Variants in HHAT observed in about 807,000 individuals in gnomAD.
HHAT encodes hedgehog acyltransferase.
In HHAT, 47 loss-of-function variants were observed where a neutral mutation model predicts 70.8. The ratio of observed to expected loss-of-function variants is 0.66; its 90% CI spans 0.53 to 0.85. The LOEUF (loss-of-function observed/expected upper bound fraction) is 0.85, where lower values mean the gene tolerates loss of function less well. Ranked by LOEUF, HHAT falls within the 40% of genes least tolerant of loss-of-function variation. HHAT has a pLI of 0.00. For synonymous variants in HHAT, 228 were observed against 247.6 expected (o/e 0.92, Z 0.74); for missense variants, 609 against 604.8 (o/e 1.01, Z -0.07).
chr1:210,454,311 C>T (rs1463158478), intron 7 of HHAT, among the ~76,000 whole-genome samples: 8 of 152,120 alleles, frequency 5.3e-5, no homozygotes, highest in African/African-American at 9.7e-5. Context: ...CCCAGCACTT[C>T]GGGAGGCCGA....
intron 7 of HHAT, among the ~76,000 whole-genome samples, chr1:210,422,247 A>G (rs1368646832): frequency 6.6e-6 from 1 of 152,228 alleles, no homozygotes; most frequent in African/African-American, 2.4e-5. Flanking sequence ...ATCCATCATC[A>G]CAAATAGTTA....
chr1:210,432,975 A>G (rs1267464469), intron 7 of HHAT, among the ~76,000 whole-genome samples: 3 of 151,744 alleles, frequency 2.0e-5, no homozygotes, highest in Non-Finnish European at 4.4e-5. Flanking sequence ...TAACCTCTCG[A>G]TGGCAGGGCT....
intron 5 of HHAT, among the ~76,000 whole-genome samples, chr1:210,401,116 T>A (rs921126233): frequency 6.6e-6 from 1 of 152,210 alleles, no homozygotes; most frequent in Non-Finnish European, 1.5e-5. Context: ...GGAACAGATT[T>A]ATTTATTCAT....
At chr1:210,360,110 C>A (rs2148013728) in intron 2 of HHAT, among the ~76,000 whole-genome samples, 1 of 152,288 alleles carries the variant, frequency 6.6e-6, no homozygotes, top group South Asian at 2.1e-4. Flanking sequence ...GCCACAGGTT[C>A]TCCTGTATCA....
At chr1:210,667,006 G>A (rs35004650) in intron 11 of HHAT, among the ~76,000 whole-genome samples, 3,967 of 151,786 alleles carry the variant, frequency 0.026, 90 homozygotes, top group Non-Finnish European at 0.041. Flanking sequence ...CGTGAACCCG[G>A]AAGGCAGAGC....
At chr1:210,393,256 C>T (rs1353210175) in intron 4 of HHAT, among the ~76,000 whole-genome samples, 1 of 152,134 alleles carries the variant, frequency 6.6e-6, no homozygotes, top group African/African-American at 2.4e-5. Flanking sequence ...CTGGCATTTG[C>T]TCCTGGGAGC....
intron 10 of HHAT, among the ~76,000 whole-genome samples, chr1:210,622,280 T>A (rs1474236231): frequency 6.6e-6 from 1 of 152,088 alleles, no homozygotes; most frequent in Admixed American, 6.5e-5. Context: ...TCAGGAAATA[T>A]CTCCAGACCC....
At chr1:210,472,858 A>C (rs1052909847) in intron 8 of HHAT, among the ~76,000 whole-genome samples, 8 of 152,212 alleles carry the variant, frequency 5.3e-5, no homozygotes, top group Non-Finnish European at 7.3e-5. Context: ...GTGGATTTCA[A>C]GATTTTCTGA....
Position 210,410,523 on chromosome 1 carries a change from A to ATTTTTTTTTTTTTTTTTT in HHAT, c.684+5849_684+5866dup, listed in dbSNP as rs35608235. 1.5e-4 allele frequency among the ~76,000 whole-genome samples: 17 copies of ATTTTTTTTTTTTTTTTTT among 116,430 alleles called. 2 individuals carry two copies. Among genetic ancestry groups the ATTTTTTTTTTTTTTTTTT allele is most frequent in the African/African-American group, 4.7e-4 (13 of 27,634 alleles). The allele number at this position is 116,430 out of a possible 152,430, so 76.4% of individuals were successfully genotyped here. A position where few individuals can be genotyped will look rare whatever the true frequency, so the allele number is the denominator to read the frequency against. On this transcript the variant is annotated intron_variant, in intron 6 of 11. Transcript: ENST00000261458. Reference sequence around the variant, plus strand: ...CTTTTGCTGTGTTGTTTATTTGTAAATTTTTTTTTTTTTTTTTTTTTTAAG... The same window carrying ATTTTTTTTTTTTTTTTTT: ...CTTTTGCTGTGTTGTTTATTTGTAAATTTTTTTTTTTTTTTTTTTTTTTTTTTTTTTTTTTTTTTTAAG...
intron 9 of HHAT, among the ~76,000 whole-genome samples, chr1:210,533,854 A>T (rs1238831437): frequency 6.6e-6 from 1 of 151,968 alleles, no homozygotes; most frequent in South Asian, 2.1e-4. Context: ...AACTTTTAAA[A>T]GTTTCTGAGA....
intron 7 of HHAT, among the ~76,000 whole-genome samples, chr1:210,430,124 A>G (rs535768447): frequency 3.3e-5 from 5 of 152,056 alleles, no homozygotes; most frequent in African/African-American, 4.8e-5. Flanking sequence ...TTACAATTCA[A>G]TGTAGTAATT....
At chr1:210,523,013 C>T (rs944911126) in intron 9 of HHAT, among the ~76,000 whole-genome samples, 2 of 152,098 alleles carry the variant, frequency 1.3e-5, no homozygotes, top group Admixed American at 6.5e-5. Flanking sequence ...TTACTCTGGT[C>T]GTCATTTTCT....
chr1:210,643,671 G>A (rs1160750880), intron 11 of HHAT, among the ~76,000 whole-genome samples: 1 of 152,166 alleles, frequency 6.6e-6, no homozygotes, highest in African/African-American at 2.4e-5. Flanking sequence ...CCTGGCTGCA[G>A]AGAGTGGCAT....
intron 9 of HHAT, among the ~76,000 whole-genome samples, chr1:210,580,100 A>G (rs1047743899): frequency 6.6e-6 from 1 of 152,202 alleles, no homozygotes; most frequent in African/African-American, 2.4e-5. Flanking sequence ...AGGGCATAGA[A>G]TTTTTAATAG....
At chr1:210,562,066 G>A (rs1281732441) in intron 9 of HHAT, among the ~76,000 whole-genome samples, 1 of 152,184 alleles carries the variant, frequency 6.6e-6, no homozygotes, top group Non-Finnish European at 1.5e-5. Context: ...CCACTACAGA[G>A]CACTGGTGTC....
intron 10 of HHAT, among the ~76,000 whole-genome samples, chr1:210,595,679 C>T (rs1662820560): frequency 6.6e-6 from 1 of 152,186 alleles, no homozygotes; most frequent in Non-Finnish European, 1.5e-5. Flanking sequence ...GAGATGGTAT[C>T]TCATTGTGGT....
chr1:210,420,635 C>T (rs995416124), intron 7 of HHAT, among the ~76,000 whole-genome samples: 8 of 151,066 alleles, frequency 5.3e-5, no homozygotes, highest in African/African-American at 1.7e-4. Flanking sequence ...GCACATGTAC[C>T]CTAAAACTTA....
At chr1:210,470,050 G>C (rs2094175492) in intron 8 of HHAT, among the ~76,000 whole-genome samples, 1 of 152,030 alleles carries the variant, frequency 6.6e-6, no homozygotes, top group African/African-American at 2.4e-5. Flanking sequence ...CTACTGTTTT[G>C]GCCAGACTGG....
intron 3 of HHAT, among the ~76,000 whole-genome samples, chr1:210,378,526 C>T (rs1329485268): frequency 1.3e-5 from 2 of 152,002 alleles, no homozygotes; most frequent in Admixed American, 6.6e-5. Flanking sequence ...TAAGGTAGGT[C>T]ATTTCCTTGT....
Sources: allele counts gnomAD v4.1 joint callset (sites outside exome capture counted in the v4.1 genomes callset), GRCh38; gene constraint gnomAD v4.1.1; transcripts MANE v1.5; gene names NCBI Gene and HGNC (gene_info 2026-07-23, HGNC 2026-07-21).